KLF16: variants seen among roughly 807,000 people sequenced by gnomAD.
The protein encoded by KLF16 is KLF transcription factor 16.
Under a neutral mutation model 6.1 loss-of-function variants are expected in KLF16, and 6 were observed. The ratio of observed to expected loss-of-function variants is 0.98; its 90% CI spans 0.54 to 1.93. The LOEUF (loss-of-function observed/expected upper bound fraction) is 1.93. Ranked by LOEUF, KLF16 falls within the 30% of genes most tolerant of loss-of-function variation. The probability of loss-of-function intolerance (pLI) is 0.01; values close to 1 mark genes in which losing one functional copy is unlikely to be tolerated. For synonymous variants in KLF16, 211 were observed against 176.5 expected, an observed-to-expected ratio of 1.20 and a Z score of -1.55; for missense variants, 355 against 363.8, an observed-to-expected ratio of 0.98 and a Z score of 0.20.
At chr19:1,865,710 G>T (rs975711960), upstream of KLF16, among the ~76,000 whole-genome samples, 13 of 152,146 alleles carry the variant, frequency 8.5e-5, no homozygotes, top group African/African-American at 3.1e-4. Flanking sequence ...GGAGACCCCA[G>T]GTGAGGGCAC....
chr19:1,852,583 A>C lies in KLF16; in HGVS notation c.*1876T>G, dbSNP rs1054972. On this transcript the variant is annotated 3_prime_UTR_variant, in exon 2 of 2. Transcript: ENST00000250916. ...TGGAGGGGTGGGCGCAGGTCTCTCC[A>C]AGCCCCTGGACACTGGAGAGGGGCC... The C allele has an allele frequency of 2.0e-5, 3 of 151,918 alleles. No homozygotes were observed. The highest frequency in any genetic ancestry group is 7.2e-5 in the African/African-American group (3 of 41,388). The allele number at this position is 151,918 out of a possible 1,614,324, so 9.4% of individuals were successfully genotyped here.
the KLF16 span, among the ~76,000 whole-genome samples, chr19:1,872,864 C>A: frequency 1.3e-5 from 2 of 152,014 alleles, no homozygotes; most frequent in Non-Finnish European, 1.5e-5. Context: ...GGAAGTGGGA[C>A]CAGGGGCTTG....
At position 1,863,040 on chromosome 19, in the gene KLF16, C is replaced by A; in HGVS notation, c.457+1G>T. 7.2e-7 allele frequency: 1 copy of A among 1,389,208 alleles called. No individual in the cohort carries two copies. Among genetic ancestry groups the A allele is most frequent in the African/African-American group, 1.5e-5 (1 of 65,476 alleles). 86.1% of individuals were successfully genotyped at this position (1,389,208 alleles called of 1,614,324 possible). A position where few individuals can be genotyped will look rare whatever the true frequency, so the allele number is the denominator to read the frequency against. On this transcript the variant is annotated splice_donor_variant, in intron 1 of 1. Transcript: ENST00000250916. LOFTEE classifies it high-confidence loss of function. ...AGGGCCGGGATCGCGGCTGCACTCA[C>A]CTGTGTGCGTCCGCAGGTGCGACTT... is the stretch of plus-strand genomic sequence containing the variant.
At chr19:1,872,706 G>A in the KLF16 span, among the ~76,000 whole-genome samples, 1 of 152,080 alleles carries the variant, frequency 6.6e-6, no homozygotes, top group African/African-American at 2.4e-5. Context: ...GTGCTGTCGT[G>A]GCTGGGAGAC....
intron 1 of KLF16, among the ~76,000 whole-genome samples, chr19:1,858,662 T>C (rs1481354140): frequency 6.6e-6 from 1 of 152,124 alleles, no homozygotes; most frequent in African/African-American, 2.4e-5. Context: ...TGAATACTCC[T>C]GTCCTCCCCA....
At chr19:1,874,549 A>G in the KLF16 span, among the ~76,000 whole-genome samples, 1 of 152,096 alleles carries the variant, frequency 6.6e-6, no homozygotes, top group African/African-American at 2.4e-5. Flanking sequence ...ATGATCTTAC[A>G]GCGGAGAAGA....
upstream of KLF16, among the ~76,000 whole-genome samples, chr19:1,865,409 T>G (rs1014237202): frequency 3.3e-5 from 5 of 152,228 alleles, no homozygotes; most frequent in African/African-American, 1.2e-4. Context: ...AACCCCGCAT[T>G]GGCTTGTGGA....
chr19:1,875,320 G>A, the KLF16 span: 1 of 152,318 alleles, frequency 6.6e-6, no homozygotes, highest in East Asian at 1.9e-4. Context: ...TCCGTTTCCG[G>A]AGGAATCCCA....
upstream of KLF16, among the ~76,000 whole-genome samples, chr19:1,868,492 T>A (rs1002569471): frequency 2.3e-5 from 2 of 87,924 alleles, no homozygotes; most frequent in African/African-American, 3.4e-5. Flanking sequence ...TTTTTTTTTT[T>A]TTTTTTGAGA....
chr19:1,854,507 C>T lies in KLF16; in HGVS notation c.711G>A (p.Gly237=). 1 of 1,475,306 alleles carries T rather than the reference C, an allele frequency of 6.8e-7. No individual in the cohort carries two copies. Among genetic ancestry groups the T allele is most frequent in the Non-Finnish European group, 8.9e-7 (1 of 1,123,684 alleles). 91.4% of individuals were successfully genotyped at this position (1,475,306 alleles called of 1,614,324 possible). Residue 237 remains glycine (G), a synonymous_variant, in exon 2 of 2, where the codon GGG becomes GGA. Coordinates refer to ENST00000250916, the MANE Select transcript of KLF16 (RefSeq NM_031918.4). ...TGGGCGCGGGGCTGGGCGCAGGGCT[C>T]CCGGCCAGGCTGCAGGGCAGCGAGT... ...PSDSLPCSLA[G]SPAPSPAPSP...
chr19:1,859,367 C>T (rs944812718), intron 1 of KLF16, among the ~76,000 whole-genome samples: 6 of 152,102 alleles, frequency 3.9e-5, no homozygotes, highest in Non-Finnish European at 8.8e-5. Flanking sequence ...CCCTCCAACC[C>T]AGTGCGTAGA....
At chr19:1,869,040 A>C in the KLF16 span, among the ~76,000 whole-genome samples, 4 of 147,380 alleles carry the variant, frequency 2.7e-5, no homozygotes, top group Non-Finnish European at 6.2e-5. Flanking sequence ...ATAGACTTTT[A>C]AGAGACTCAA....
chr19:1,874,018 G>A, the KLF16 span, among the ~76,000 whole-genome samples: 81,019 of 152,186 alleles, frequency 0.53, 23,444 homozygotes, highest in Middle Eastern at 0.7. Context: ...CAGGGAGGGA[G>A]GGGCGGCCCC....
At chr19:1,866,789 A>G (rs2012195244), upstream of KLF16, among the ~76,000 whole-genome samples, 1 of 151,370 alleles carries the variant, frequency 6.6e-6, no homozygotes, top group Non-Finnish European at 1.5e-5. Context: ...AAAAAAAAAA[A>G]AAAAAGGAGT....
intron 1 of KLF16, among the ~76,000 whole-genome samples, chr19:1,861,169 T>C (rs1160128934): frequency 6.6e-6 from 1 of 152,176 alleles, no homozygotes; most frequent in Non-Finnish European, 1.5e-5. Context: ...TAGGGACCGC[T>C]GCCCCAATAC....
In KLF16 at chr19:1,863,559, G is replaced by T; in HGVS notation, c.-62C>A. Reference sequence around the variant, plus strand: ...AGGCGGCGGGAGCGGCGTCCGTCCGGCCGGCGGCGGCTGCTCGAGTGCGGG... The same window carrying T: ...AGGCGGCGGGAGCGGCGTCCGTCCGTCCGGCGGCGGCTGCTCGAGTGCGGG... On this transcript the variant is annotated 5_prime_UTR_variant, in exon 1 of 2. Transcript: ENST00000250916. 2 of 835,248 alleles carry T rather than the reference G, an allele frequency of 2.4e-6. No individual in the cohort carries two copies. The highest frequency in any genetic ancestry group is 1.0e-4 in the South Asian group (2 of 19,128). The allele number at this position is 835,248 out of a possible 1,614,324, so 51.7% of individuals were successfully genotyped here.
chr19:1,859,885 G>A (rs1414270592), intron 1 of KLF16, among the ~76,000 whole-genome samples: 3 of 152,092 alleles, frequency 2.0e-5, no homozygotes, highest in South Asian at 2.1e-4. Flanking sequence ...ACTGGGGAGG[G>A]GGTGCTCCTG....
At chr19:1,859,605 T>C (rs563570904) in intron 1 of KLF16, among the ~76,000 whole-genome samples, 45 of 151,940 alleles carry the variant, frequency 3.0e-4, no homozygotes, top group Admixed American at 9.8e-4. Context: ...AGCACGCCCT[T>C]CCTCTCCCAT....
the KLF16 span, among the ~76,000 whole-genome samples, chr19:1,871,755 C>T: frequency 2.6e-5 from 4 of 152,052 alleles, no homozygotes. Flanking sequence ...ACCCTCCAAC[C>T]GGAGGACACA....
Sources: allele counts gnomAD v4.1 joint callset (sites outside exome capture counted in the v4.1 genomes callset), GRCh38; gene constraint gnomAD v4.1.1; transcripts MANE v1.5; gene names NCBI Gene and HGNC (gene_info 2026-07-23, HGNC 2026-07-21).